Variants in AGAP3 observed in about 807,000 individuals in gnomAD.
AGAP3 encodes arf-GAP with GTPase, ANK repeat and PH domain-containing protein 3.
Under a neutral mutation model 96.9 loss-of-function variants are expected in AGAP3, and 24 were observed. That is an observed-to-expected ratio of 0.25 (90% CI 0.18 to 0.35). The LOEUF is 0.35. Ranked by LOEUF, AGAP3 falls within the 10% of genes least tolerant of loss-of-function variation. The pLI, the probability that AGAP3 is intolerant of heterozygous loss-of-function variation, is 1.00. For synonymous variants in AGAP3, 563 were observed against 536.1 expected (o/e 1.05, Z -0.69); for missense variants, 876 against 1,254.2 (o/e 0.70, Z 4.55).
At chr7:151,113,991 C>A (rs940610176) in intron 1 of AGAP3, among the ~76,000 whole-genome samples, 2 of 152,234 alleles carry the variant, frequency 1.3e-5, no homozygotes, top group Admixed American at 6.5e-5. Flanking sequence ...CTGGAGAGGT[C>A]CGGGCCTCAG....
Position 151,140,327 on chromosome 7 carries a change from T to C in AGAP3, c.1804+211T>C. 2.2e-6 allele frequency: 1 copy of C among 462,244 alleles called. No homozygotes were observed. The highest frequency in any genetic ancestry group is 3.5e-6 in the Non-Finnish European group (1 of 286,790). The allele number at this position is 462,244 out of a possible 1,614,324, so 28.6% of individuals were successfully genotyped here. On this transcript the variant is annotated intron_variant, in intron 13 of 17. Coordinates refer to ENST00000397238, the MANE Select transcript of AGAP3 (RefSeq NM_031946.7). The surrounding 1 kb of genome is among the most constrained non-coding windows in gnomAD (Gnocchi z 5.4). Reference sequence around the variant, plus strand: ...CTTCTGATAACTGAAACCCTTTCTGTTGAAATGTGGGCTTACTTCATTTAT... The same window carrying C: ...CTTCTGATAACTGAAACCCTTTCTGCTGAAATGTGGGCTTACTTCATTTAT...
intron 8 of AGAP3, chr7:151,123,036 C>G: frequency 3.7e-6 from 5 of 1,341,714 alleles, no homozygotes; most frequent in Non-Finnish European, 4.8e-6. Context: ...GAAGGCAGCT[C>G]GGCCCCACGC....
Position 151,086,509 on chromosome 7 carries a change from G to A in AGAP3, c.-233G>A, listed in dbSNP as rs1472759384. 2.7e-5 allele frequency among the ~76,000 whole-genome samples: 4 copies of A among 147,838 alleles called. No homozygotes were observed. The highest frequency in any genetic ancestry group is 4.5e-5 in the Non-Finnish European group (3 of 66,234). ...GCTGGAGGCTGCTCCGAGGCAGCGGGATCACGGCGCTGGGAAGCGCTCGGC... is the reference window on the plus strand; with the variant it reads ...GCTGGAGGCTGCTCCGAGGCAGCGGAATCACGGCGCTGGGAAGCGCTCGGC... On this transcript the variant is annotated 5_prime_UTR_variant, in exon 1 of 18. Coordinates refer to ENST00000397238, the MANE Select transcript of AGAP3 (RefSeq NM_031946.7).
At chr7:151,137,791 G>C (rs900423203) in intron 11 of AGAP3, 1 of 340,834 alleles carries the variant, frequency 2.9e-6, no homozygotes, top group Non-Finnish European at 5.3e-6. Context: ...GGGTGCAGGG[G>C]CCCAAGCCAG....
intron 1 of AGAP3, among the ~76,000 whole-genome samples, chr7:151,091,230 G>C (rs568594625): frequency 6.6e-6 from 1 of 152,194 alleles, no homozygotes; most frequent in Non-Finnish European, 1.5e-5. Context: ...GGACTGGGGG[G>C]GTCTGGGATG....
In AGAP3 at chr7:151,143,136, C is replaced by T. The variant is rs1435567985; in HGVS notation, c.2274-205C>T. 1.3e-5 allele frequency among the ~76,000 whole-genome samples: 2 copies of T among 152,218 alleles called. No individual in the cohort carries two copies. The highest frequency in any genetic ancestry group is 2.9e-5 in the Non-Finnish European group (2 of 68,026). On this transcript the variant is annotated intron_variant, in intron 16 of 17. Transcript: ENST00000397238. This position sits in a 1 kb window ranked among gnomAD's most constrained non-coding sequence, Gnocchi z 5.9. ...AGTGTCCCTTCCTTTCAGCTTCTCC[C>T]ACCCCCCTTTCCATTACCCACTGCC...
intron 11 of AGAP3, among the ~76,000 whole-genome samples, chr7:151,137,284 C>T (rs1261803447): frequency 5.3e-5 from 8 of 152,262 alleles, no homozygotes; most frequent in Non-Finnish European, 1.2e-4. Flanking sequence ...TGCTTTCCCA[C>T]TAACCTCCAG....
chr7:151,120,762 T>C, intron 8 of AGAP3: 1 of 1,191,708 alleles, frequency 8.4e-7, no homozygotes, highest in Non-Finnish European at 1.1e-6. Flanking sequence ...CCTGTCTCCT[T>C]GTGAGCTCCT....
intron 1 of AGAP3, among the ~76,000 whole-genome samples, chr7:151,094,139 G>A (rs1257207160): frequency 5.9e-5 from 9 of 152,182 alleles, no homozygotes. Flanking sequence ...CTGCCGCTTG[G>A]TAGTGCTGAG....
In AGAP3 at chr7:151,117,047, C is replaced by T. The variant is rs117148189; in HGVS notation, c.391-48C>T. On this transcript the variant is annotated intron_variant, in intron 2 of 17. Transcript: ENST00000397238. Reference sequence around the variant, plus strand: ...TTTGCTTTTCCTGCTGGGTCTTCTCCCTCGTGCCCTCTGCCCTCTGACCCA... The same window carrying T: ...TTTGCTTTTCCTGCTGGGTCTTCTCTCTCGTGCCCTCTGCCCTCTGACCCA... The T allele has an allele frequency of 6.0e-3, 9,438 of 1,575,976 alleles. 48 individuals are homozygous for T. Among genetic ancestry groups the T allele is most frequent in the Non-Finnish European group, 7.2e-3 (8,274 of 1,147,966 alleles).
chr7:151,107,847 G>C (rs1248087220), intron 1 of AGAP3, among the ~76,000 whole-genome samples: 1 of 152,164 alleles, frequency 6.6e-6, no homozygotes, highest in Non-Finnish European at 1.5e-5. Context: ...TGAGAAAAAG[G>C]TGCAACACGG....
intron 11 of AGAP3, among the ~76,000 whole-genome samples, chr7:151,135,487 TG>T (rs1317007920): frequency 6.6e-6 from 1 of 152,182 alleles, no homozygotes; most frequent in African/African-American, 2.4e-5. Context: ...TCCAGTCCCC[TG>T]GAATGGATGG....
At position 151,086,513 on chromosome 7, in the gene AGAP3, A is replaced by C. The variant is rs1021252446; in HGVS notation, c.-229A>C. ...GAGGCTGCTCCGAGGCAGCGGGATC[A>C]CGGCGCTGGGAAGCGCTCGGCAGCG... On this transcript the variant is annotated 5_prime_UTR_variant, in exon 1 of 18. Coordinates refer to ENST00000397238, the MANE Select transcript of AGAP3 (RefSeq NM_031946.7). Among the ~76,000 whole-genome samples the C allele has an allele frequency of 6.8e-6, 1 of 147,700 alleles. No homozygotes were observed. The highest frequency in any genetic ancestry group is 1.5e-5 in the Non-Finnish European group (1 of 66,198).
chr7:151,117,091 G>C lies in AGAP3; in HGVS notation c.391-4G>C. The C allele has an allele frequency of 1.2e-6, 2 of 1,613,244 alleles. No individual in the cohort carries two copies. The highest frequency in any genetic ancestry group is 1.7e-6 in the Non-Finnish European group (2 of 1,179,462). On this transcript the variant is annotated splice_polypyrimidine_tract_variant and splice_region_variant and intron_variant, in intron 2 of 17. Transcript: ENST00000397238. ...TGACCCACTCACCCCTTCCTCTCCC[G>C]CAGGGCATAGTGGGGAACCTGTCTA...
At chr7:151,134,351 G>GTGAC in intron 10 of AGAP3, 49 bp from the exon 11 acceptor site, 1 of 1,601,710 alleles carries the variant, frequency 6.2e-7, no homozygotes, top group Non-Finnish European at 8.5e-7. Flanking sequence ...CAACGCTGGA[G>GTGAC]TGACTGCTGC....
chr7:151,123,427 A>T (rs1007042472), intron 8 of AGAP3: 1 of 1,117,716 alleles, frequency 8.9e-7, no homozygotes, highest in African/African-American at 1.6e-5. Context: ...TCACTTGTGG[A>T]CTTTGCGCTC....
chr7:151,125,670 T>G (rs778742110), intron 9 of AGAP3, among the ~76,000 whole-genome samples: 58 of 152,218 alleles, frequency 3.8e-4, no homozygotes, highest in Non-Finnish European at 6.8e-4. Context: ...CTGCCGCCGG[T>G]CCAGCCCCGC....
chr7:151,127,153 T>C (rs1333680462), intron 9 of AGAP3, among the ~76,000 whole-genome samples: 1 of 152,192 alleles, frequency 6.6e-6, no homozygotes, highest in East Asian at 1.9e-4. Flanking sequence ...AGCCTTCTAT[T>C]AGGAAGAACT....
chr7:151,117,558 T>A (rs1216718418), intron 4 of AGAP3, 78 bp from the exon 5 acceptor site: 1 of 1,611,440 alleles, frequency 6.2e-7, no homozygotes, highest in African/African-American at 1.3e-5. Flanking sequence ...GGGAGAAGGG[T>A]CTACTTGAGT....
Sources: allele counts gnomAD v4.1 joint callset (sites outside exome capture counted in the v4.1 genomes callset), GRCh38; gene constraint gnomAD v4.1.1; non-coding constraint Gnocchi (gnomAD v3.1); transcripts MANE v1.5; gene names NCBI Gene and HGNC (gene_info 2026-07-23, HGNC 2026-07-21).